Variants in BMPR1B observed in about 807,000 individuals in gnomAD.
The protein encoded by BMPR1B is bone morphogenetic protein receptor type 1B, also known as bone morphogenetic protein receptor type-1B.
In BMPR1B, 12 loss-of-function variants were observed where a neutral mutation model predicts 59.1. The observed-to-expected ratio is 0.20, with a 90% CI of 0.13 to 0.33. The LOEUF (loss-of-function observed/expected upper bound fraction) is 0.33, where lower values mean the gene tolerates loss of function less well. Ranked by LOEUF, BMPR1B falls within the 10% of genes least tolerant of loss-of-function variation. The pLI, the probability that BMPR1B is intolerant of heterozygous loss-of-function variation, is 1.00. For missense variants in BMPR1B, 550 were observed against 610.9 expected (o/e 0.90, Z 1.05); for synonymous variants, 237 against 207.3 (o/e 1.14, Z -1.23).
chr4:95,134,250 AT>A (rs1287734803), intron 10 of BMPR1B, among the ~76,000 whole-genome samples: 1 of 151,970 alleles, frequency 6.6e-6, no homozygotes, highest in African/African-American at 2.4e-5. Flanking sequence ...TATGTGCCAC[AT>A]TTTCTTAATC....
At chr4:94,791,377 G>A (rs1217404720) in intron 1 of BMPR1B, among the ~76,000 whole-genome samples, 1 of 152,052 alleles carries the variant, frequency 6.6e-6, no homozygotes, top group Non-Finnish European at 1.5e-5. Flanking sequence ...GCCTGGAGAT[G>A]GTCACTGTTC....
At chr4:94,924,486 C>T (rs1376054559) in intron 2 of BMPR1B, among the ~76,000 whole-genome samples, 3 of 152,090 alleles carry the variant, frequency 2.0e-5, no homozygotes, top group East Asian at 1.9e-4. Context: ...CATCACTGCT[C>T]TCAAAACAAG....
At chr4:95,141,708 A>G (rs1352615951) in intron 10 of BMPR1B, among the ~76,000 whole-genome samples, 5 of 152,320 alleles carry the variant, frequency 3.3e-5, no homozygotes, top group South Asian at 4.1e-4. Flanking sequence ...CTTCACTCTG[A>G]AGAATTCAGC....
At chr4:95,039,512 T>C (rs1026963154) in intron 3 of BMPR1B, among the ~76,000 whole-genome samples, 1 of 152,078 alleles carries the variant, frequency 6.6e-6, no homozygotes, top group East Asian at 1.9e-4. Flanking sequence ...GAATCTGTTA[T>C]GTTAGAAAGG....
At chr4:95,135,895 C>A (rs1008533660) in intron 10 of BMPR1B, among the ~76,000 whole-genome samples, 4 of 152,192 alleles carry the variant, frequency 2.6e-5, no homozygotes, top group African/African-American at 4.8e-5. Context: ...ACTTCCAACA[C>A]TATGTCGAAT....
chr4:95,090,099 G>T (rs1216890766), intron 3 of BMPR1B, among the ~76,000 whole-genome samples: 1 of 152,004 alleles, frequency 6.6e-6, no homozygotes, highest in Non-Finnish European at 1.5e-5. Flanking sequence ...AAATTCTGTT[G>T]AGAGAGAATG....
intron 2 of BMPR1B, among the ~76,000 whole-genome samples, chr4:94,901,318 T>C (rs1403669710): frequency 6.6e-6 from 1 of 151,980 alleles, no homozygotes; most frequent in Non-Finnish European, 1.5e-5. Flanking sequence ...AAAATTTTGT[T>C]TAAATGGTGC....
At chr4:95,112,683 C>G (rs1432393920) in intron 4 of BMPR1B, among the ~76,000 whole-genome samples, 1 of 151,946 alleles carries the variant, frequency 6.6e-6, no homozygotes, top group African/African-American at 2.4e-5. Flanking sequence ...TCAGGGTCTC[C>G]CCTCTTTATA....
chr4:95,130,023 G>T lies in BMPR1B; in HGVS notation c.747G>T (p.Gln249His), dbSNP rs887578785. Residue 249 changes from glutamine to histidine, a missense_variant, in exon 9 of 13, where the codon CAG (glutamine) becomes CAT (histidine). Gln to His is a conservative substitution (Grantham distance 24, BLOSUM62 0). Around this residue, in one of 6 missense-constraint regions of BMPR1B, gnomAD observed 318 missense variants for 284.6 expected, o/e 1.12. Coordinates refer to ENST00000515059, the MANE Select transcript of BMPR1B (RefSeq NM_001203.3). ...ASWFRETEIY[Q>H]TVLMRHENIL... Reference sequence around the variant, plus strand: ...GGTTCAGAGAGACAGAAATATATCAGACAGTGTTGATGAGGCATGAAAACA... The same window carrying T: ...GGTTCAGAGAGACAGAAATATATCATACAGTGTTGATGAGGCATGAAAACA... The T allele has an allele frequency of 1.9e-6, 3 of 1,613,814 alleles. No homozygotes were observed. The highest frequency in any genetic ancestry group is 2.5e-6 in the Non-Finnish European group (3 of 1,179,882).
At chr4:94,788,828 C>T (rs1722850989) in intron 1 of BMPR1B, among the ~76,000 whole-genome samples, 1 of 152,186 alleles carries the variant, frequency 6.6e-6, no homozygotes, top group Non-Finnish European at 1.5e-5. Context: ...AAATCTTCTG[C>T]ATCACGCCTG....
intron 1 of BMPR1B, among the ~76,000 whole-genome samples, chr4:94,805,288 G>T (rs1000637564): frequency 1.3e-5 from 2 of 152,044 alleles, no homozygotes; most frequent in African/African-American, 4.8e-5. Flanking sequence ...AATTAACTTT[G>T]TTTTTGGTCA....
intron 3 of BMPR1B, among the ~76,000 whole-genome samples, chr4:95,052,207 G>A (rs1353059971): frequency 6.6e-6 from 1 of 152,114 alleles, no homozygotes; most frequent in Non-Finnish European, 1.5e-5. Flanking sequence ...GATGCATTGA[G>A]TAAATCTGTA....
rs113334148 is a variant in BMPR1B at position 95,085,495 on chromosome 4, G to A, written c.-17-18913G>A. ...TGGAAAACAAGAAATCAAGAAGGAGGCAGAAAAGGATCTCAGATCAAAAAG... is the reference window on the plus strand; with the variant it reads ...TGGAAAACAAGAAATCAAGAAGGAGACAGAAAAGGATCTCAGATCAAAAAG... On this transcript the variant is annotated intron_variant, in intron 3 of 12. Coordinates refer to ENST00000515059, the MANE Select transcript of BMPR1B (RefSeq NM_001203.3). Among the ~76,000 whole-genome samples, 1,160 of 152,166 alleles carry A rather than the reference G, an allele frequency of 7.6e-3. 15 individuals carry two copies. Among genetic ancestry groups the A allele is most frequent in the African/African-American group, 0.025 (1,037 of 41,536 alleles).
rs566871230 is a variant in BMPR1B, at chr4:95,151,433, C to T, written c.1253-1210C>T. ...CTGAGAATGAGAAAGGGAGAAAGAA[C>T]TGAAATGAAGCAGAGCACATCCTGC... is the stretch of plus-strand genomic sequence containing the variant. On this transcript the variant is annotated intron_variant, in intron 11 of 12. Coordinates refer to ENST00000515059, the MANE Select transcript of BMPR1B (RefSeq NM_001203.3). 9.9e-5 allele frequency among the ~76,000 whole-genome samples: 15 copies of T among 152,206 alleles called. 2 individuals are homozygous for T. In the Middle Eastern group the frequency reaches 0.031, roughly 311 times the overall value.
intron 3 of BMPR1B, among the ~76,000 whole-genome samples, chr4:94,997,087 A>C (rs2149104272): frequency 6.6e-6 from 1 of 152,308 alleles, no homozygotes; most frequent in Non-Finnish European, 1.5e-5. Flanking sequence ...TTTCACTAGA[A>C]CTGTGGCCTT....
intron 3 of BMPR1B, among the ~76,000 whole-genome samples, chr4:95,098,060 G>A (rs1383401535): frequency 6.6e-6 from 1 of 151,926 alleles, no homozygotes; most frequent in East Asian, 1.9e-4. Context: ...TTTGATGGCT[G>A]CCTAGTATAT....
At chr4:95,073,562 G>A (rs1728478826) in intron 3 of BMPR1B, among the ~76,000 whole-genome samples, 1 of 152,078 alleles carries the variant, frequency 6.6e-6, no homozygotes, top group Admixed American at 6.6e-5. Context: ...AATTGTTTTG[G>A]ATCCTTCAGA....
chr4:95,066,932 C>A (rs537693242), intron 3 of BMPR1B, among the ~76,000 whole-genome samples: 1 of 152,126 alleles, frequency 6.6e-6, no homozygotes, highest in Non-Finnish European at 1.5e-5. Context: ...AGTTTTGGAA[C>A]GATTAAAGCA....
At chr4:95,131,123 A>G (rs1239849149) in intron 9 of BMPR1B, 92 bp from the exon 10 acceptor site, 1 of 1,359,510 alleles carries the variant, frequency 7.4e-7, no homozygotes, top group Admixed American at 2.0e-5. Context: ...CTAAACAAAA[A>G]TTATCTATGA....
Sources: allele counts gnomAD v4.1 joint callset (sites outside exome capture counted in the v4.1 genomes callset), GRCh38; gene constraint gnomAD v4.1.1; regional missense constraint gnomAD v4.1.1; transcripts MANE v1.5; gene names NCBI Gene and HGNC (gene_info 2026-07-23, HGNC 2026-07-21).